AGBL1: variants seen among roughly 807,000 people sequenced by gnomAD.
AGBL1 encodes the protein cytosolic carboxypeptidase 4.
Under a neutral mutation model 118.9 loss-of-function variants are expected in AGBL1, and 130 were observed. The ratio of observed to expected loss-of-function variants is 1.09; its 90% CI spans 0.95 to 1.26. The LOEUF is 1.26. Ranked by LOEUF, AGBL1 falls within the 50% of genes most tolerant of loss-of-function variation. AGBL1 has a pLI of 0.00. For missense variants in AGBL1, 1,584 were observed against 1,298.1 expected, an observed-to-expected ratio of 1.22 and a Z score of -3.38; for synonymous variants, 555 against 478.9, an observed-to-expected ratio of 1.16 and a Z score of -2.08.
At chr15:86,337,261 A>T (rs1466763914) in intron 17 of AGBL1, among the ~76,000 whole-genome samples, 3 of 152,156 alleles carry the variant, frequency 2.0e-5, no homozygotes, top group East Asian at 3.9e-4. Context: ...AAACAGACAA[A>T]CCTAGTCACT....
intron 18 of AGBL1, among the ~76,000 whole-genome samples, chr15:86,498,150 A>ATGTAATGTGTAATCC: frequency 6.6e-6 from 1 of 152,046 alleles, no homozygotes; most frequent in South Asian, 2.1e-4. Flanking sequence ...TCCCAGGGAG[A>ATGTAATGTGTAATCC]CATAACACAT....
chr15:86,682,801 A>C (rs767567731), intron 22 of AGBL1, among the ~76,000 whole-genome samples: 26 of 152,162 alleles, frequency 1.7e-4, no homozygotes, highest in Non-Finnish European at 3.1e-4. Context: ...GCAAACATTT[A>C]TTAGGGCCTT....
At chr15:86,142,124 G>T in intron 2 of AGBL1, 57 bp downstream of exon 2, 2 of 1,524,992 alleles carry the variant, frequency 1.3e-6, no homozygotes, top group South Asian at 2.4e-5. Flanking sequence ...TGCTGGCTGT[G>T]ATCTCTCCCA....
rs78753833 is a variant in AGBL1 at position 86,315,246 on chromosome 15, G to C, written c.2374+19838G>C. Among the ~76,000 whole-genome samples, 407 of 152,292 alleles carry C rather than the reference G, an allele frequency of 2.7e-3. 3 individuals are homozygous for C. Among genetic ancestry groups the C allele is most frequent in the East Asian group, 5.0e-3 (26 of 5,178 alleles). On this transcript the variant is annotated intron_variant, in intron 17 of 22. Coordinates refer to ENST00000614907, the MANE Select transcript of AGBL1 (RefSeq NM_001386094.1). Reference sequence around the variant, plus strand: ...CTGAAATGTAATGTCAAGAGTTATAGCTCAGGTGTAGGTATTGGAGTCACT... The same window carrying C: ...CTGAAATGTAATGTCAAGAGTTATACCTCAGGTGTAGGTATTGGAGTCACT...
chr15:86,994,068 G>T (rs1381792496), intron 24 of AGBL1, among the ~76,000 whole-genome samples: 3 of 152,092 alleles, frequency 2.0e-5, no homozygotes, highest in Non-Finnish European at 4.4e-5. Flanking sequence ...TGTGACGCAG[G>T]TTCTGAAGAA....
At chr15:86,659,085 T>C (rs2085502001) in intron 21 of AGBL1, among the ~76,000 whole-genome samples, 1 of 152,150 alleles carries the variant, frequency 6.6e-6, no homozygotes, top group South Asian at 2.1e-4. Context: ...ATTTATTTCC[T>C]ATTTGTCCCC....
intron 18 of AGBL1, among the ~76,000 whole-genome samples, chr15:86,473,251 C>T (rs2082504481): frequency 6.6e-6 from 1 of 152,132 alleles, no homozygotes. Context: ...GATGGCTTTC[C>T]AGGGAAGGAC....
chr15:86,835,044 G>A (rs1337180818), intron 22 of AGBL1, among the ~76,000 whole-genome samples: 1 of 152,160 alleles, frequency 6.6e-6, no homozygotes, highest in East Asian at 1.9e-4. Context: ...CCTACATATG[G>A]ACTCTCTTGT....
At position 86,974,519 on chromosome 15, in the gene AGBL1, TAA is replaced by T. The variant is rs1201003860; in HGVS notation, c.3222-13467_3222-13466del. 4.2e-4 allele frequency among the ~76,000 whole-genome samples: 57 copies of T among 136,844 alleles called. 1 individual carries two copies. The highest frequency in any genetic ancestry group is 9.0e-4 in the African/African-American group (33 of 36,512). 89.8% of individuals were successfully genotyped at this position (136,844 alleles called of 152,430 possible). On this transcript the variant is annotated intron_variant, in intron 23 of 24. Coordinates refer to the AGBL1 transcript ENST00000441037. Reference sequence around the variant, plus strand: ...TTTATATATTGAATATAAATATATATAATATATATTAAATATATAAAAATTAT... The same window carrying T: ...TTTATATATTGAATATAAATATATATTATATATTAAATATATAAAAATTAT...
At chr15:86,967,092 T>C (rs1015513139) in intron 23 of AGBL1, among the ~76,000 whole-genome samples, 4 of 152,210 alleles carry the variant, frequency 2.6e-5, no homozygotes, top group African/African-American at 9.6e-5. Flanking sequence ...ATGAACATTT[T>C]TTCATGTGTC....
chr15:86,467,866 G>A (rs559804054), intron 18 of AGBL1, among the ~76,000 whole-genome samples: 5 of 152,174 alleles, frequency 3.3e-5, no homozygotes, highest in Non-Finnish European at 7.3e-5. Flanking sequence ...TGGAAATGAA[G>A]AAATCACTCA....
intron 17 of AGBL1, among the ~76,000 whole-genome samples, chr15:86,301,684 GT>G (rs1773626976): frequency 7.2e-6 from 1 of 138,264 alleles, no homozygotes; most frequent in Non-Finnish European, 1.6e-5. Context: ...GTGTGTGTGT[GT>G]GTGTGTGTGA....
intron 21 of AGBL1, among the ~76,000 whole-genome samples, chr15:86,636,866 C>A (rs1334918460): frequency 6.7e-6 from 1 of 149,994 alleles, no homozygotes; most frequent in African/African-American, 2.4e-5. Context: ...ATTGTTTCAT[C>A]CATTCATTAC....
chr15:86,747,082 A>G (rs2077768557), intron 22 of AGBL1, among the ~76,000 whole-genome samples: 1 of 151,980 alleles, frequency 6.6e-6, no homozygotes, highest in Non-Finnish European at 1.5e-5. Context: ...CAGCCCCCCG[A>G]GCATATGCAC....
chr15:86,844,759 A>G (rs1350473683), intron 22 of AGBL1, among the ~76,000 whole-genome samples: 1 of 152,080 alleles, frequency 6.6e-6, no homozygotes, highest in Non-Finnish European at 1.5e-5. Flanking sequence ...TGCTTTTGGT[A>G]TTGTAGTTAA....
intron 1 of AGBL1, among the ~76,000 whole-genome samples, chr15:86,123,861 T>A (rs1233338336): frequency 6.6e-6 from 1 of 152,200 alleles, no homozygotes; most frequent in Non-Finnish European, 1.5e-5. Flanking sequence ...TCAAATATTT[T>A]GCAGTGTTTG....
At chr15:86,444,693 C>T (rs2082100979) in intron 18 of AGBL1, among the ~76,000 whole-genome samples, 1 of 152,092 alleles carries the variant, frequency 6.6e-6, no homozygotes, top group African/African-American at 2.4e-5. Context: ...AAAGGGAGAG[C>T]GTGCTGGGAG....
chr15:86,919,040 T>C (rs2080458259), downstream of AGBL1, among the ~76,000 whole-genome samples: 1 of 152,190 alleles, frequency 6.6e-6, no homozygotes, highest in Admixed American at 6.5e-5. Flanking sequence ...GGCATAGTAA[T>C]GCTAGGGATA....
intron 16 of AGBL1, among the ~76,000 whole-genome samples, chr15:86,284,583 A>G (rs764911032): frequency 5.3e-5 from 8 of 152,160 alleles, no homozygotes; most frequent in Non-Finnish European, 8.8e-5. Flanking sequence ...TGATGAGTGT[A>G]TTTAAGTGAC....
Sources: allele counts gnomAD v4.1 joint callset (sites outside exome capture counted in the v4.1 genomes callset), GRCh38; gene constraint gnomAD v4.1.1; transcripts MANE v1.5; gene names NCBI Gene and HGNC (gene_info 2026-07-23, HGNC 2026-07-21).